CLRN1: variants seen among roughly 807,000 people sequenced by gnomAD.
The protein encoded by CLRN1 is clarin 1, also known as clarin-1.
Under a neutral mutation model 18.7 loss-of-function variants are expected in CLRN1, and 15 were observed. The ratio of observed to expected loss-of-function variants is 0.80; its 90% CI spans 0.54 to 1.23. CLRN1 has a LOEUF of 1.23. Among genes scored for constraint, CLRN1 ranks in the 50% most tolerant of loss-of-function variants. CLRN1 has a pLI of 0.00. For synonymous variants in CLRN1, 104 were observed against 102.9 expected (o/e 1.01, Z -0.07); for missense variants, 311 against 277.5 (o/e 1.12, Z -0.86).
At chr3:150,926,508 C>T (rs534991632), downstream of CLRN1, 10 of 435,838 alleles carry the variant, frequency 2.3e-5, no homozygotes, top group East Asian at 9.8e-5. Context: ...TGTGGCTAGA[C>T]TGAATTGTAG....
chr3:150,926,727 G>A lies in CLRN1; in HGVS notation c.*1209C>T. Reference sequence around the variant, plus strand: ...AGTACTTTCAAACCTATTATATGAGGGCTGCTGAGTACTCAGCACCTGTGG... The same window carrying A: ...AGTACTTTCAAACCTATTATATGAGAGCTGCTGAGTACTCAGCACCTGTGG... On this transcript the variant is annotated 3_prime_UTR_variant, in exon 3 of 3. Coordinates refer to ENST00000327047, the MANE Select transcript of CLRN1 (RefSeq NM_174878.3). The A allele has an allele frequency of 1.4e-6, 2 of 1,455,456 alleles. No homozygotes were observed. Among genetic ancestry groups the A allele is most frequent in the Non-Finnish European group, 1.9e-6 (2 of 1,037,374 alleles). The allele number at this position is 1,455,456 out of a possible 1,614,324, so 90.2% of individuals were successfully genotyped here.
At chr3:150,944,006 A>G in intron 1 of CLRN1, 1 of 1,060,436 alleles carries the variant, frequency 9.4e-7, no homozygotes, top group East Asian at 2.6e-5. Flanking sequence ...ATCAACAACA[A>G]GATAGTTTCA....
At chr3:150,955,276 C>G (rs770764993) in intron 1 of CLRN1, among the ~76,000 whole-genome samples, 8 of 152,086 alleles carry the variant, frequency 5.3e-5, no homozygotes, top group African/African-American at 9.7e-5. Flanking sequence ...ACAGGGAGAA[C>G]CCGGGAGTGA....
chr3:150,931,410 C>G (rs376172445), intron 2 of CLRN1, among the ~76,000 whole-genome samples: 1 of 152,186 alleles, frequency 6.6e-6, no homozygotes, highest in Admixed American at 6.5e-5. Context: ...CTTCCCACAG[C>G]ATGAGGAATC....
At chr3:150,968,310 C>A (rs752167936) in intron 1 of CLRN1, among the ~76,000 whole-genome samples, 1 of 152,124 alleles carries the variant, frequency 6.6e-6, no homozygotes, top group Non-Finnish European at 1.5e-5. Flanking sequence ...GTTTAAACAT[C>A]ATCATTAAAA....
In CLRN1 at chr3:150,943,842, C is replaced by T. The variant is rs780023517; in HGVS notation, c.254-2081G>A. ...TACCTGGTTGCTGCTGCAGGGCCTGCATGGAGTTTACTCCTCACAGCACTA... is the reference window on the plus strand; with the variant it reads ...TACCTGGTTGCTGCTGCAGGGCCTGTATGGAGTTTACTCCTCACAGCACTA... On this transcript the variant is annotated intron_variant, in intron 1 of 2. Transcript: ENST00000327047. The T allele has an allele frequency of 1.2e-6, 2 of 1,614,182 alleles. No homozygotes were observed.
chr3:150,926,968 T>G lies in CLRN1; in HGVS notation c.*968A>C. The G allele has an allele frequency of 1.3e-6, 2 of 1,596,246 alleles. No homozygotes were observed. The highest frequency in any genetic ancestry group is 1.7e-6 in the Non-Finnish European group (2 of 1,166,758). ...GAACAAGACCAAGATGATACAGTGA[T>G]ACCGTCATAATCCCAGATTTAATAT... On this transcript the variant is annotated 3_prime_UTR_variant, in exon 3 of 3. Transcript: ENST00000327047.
chr3:150,961,679 G>C (rs1715044762), intron 1 of CLRN1, among the ~76,000 whole-genome samples: 1 of 152,092 alleles, frequency 6.6e-6, no homozygotes. Flanking sequence ...TTGGCCTCTT[G>C]GTGCTCAGCT....
Position 150,965,800 on chromosome 3 carries a change from C to T in CLRN1, c.253+6656G>A, listed in dbSNP as rs1001285455. On this transcript the variant is annotated intron_variant, in intron 1 of 2. Transcript: ENST00000327047. ...AAGGGAAGGAAGGTATATGGGTGTG[C>T]GTGTGCACATGTGCTTACAAGTAAA... 1.4e-4 allele frequency among the ~76,000 whole-genome samples: 22 copies of T among 151,930 alleles called. 2 individuals carry two copies. Among genetic ancestry groups the T allele is most frequent in the Admixed American group, 1.2e-3 (19 of 15,240 alleles).
intron 1 of CLRN1, among the ~76,000 whole-genome samples, chr3:150,955,724 C>CT (rs1362800093): frequency 6.6e-6 from 1 of 152,066 alleles, no homozygotes; most frequent in Non-Finnish European, 1.5e-5. Context: ...TGACAAAGCT[C>CT]TTTTTTGTTT....
At chr3:150,933,289 G>A (rs1713258857) in intron 2 of CLRN1, among the ~76,000 whole-genome samples, 1 of 152,148 alleles carries the variant, frequency 6.6e-6, no homozygotes, top group South Asian at 2.1e-4. Context: ...AAGGGAGAGA[G>A]AGGCAATAAC....
At chr3:150,948,691 C>T (rs1056661891) in intron 1 of CLRN1, among the ~76,000 whole-genome samples, 9 of 151,964 alleles carry the variant, frequency 5.9e-5, no homozygotes, top group African/African-American at 1.7e-4. Flanking sequence ...AAATCATTAT[C>T]GGTCTATTTA....
chr3:150,939,216 G>A (rs1713660394), intron 2 of CLRN1, among the ~76,000 whole-genome samples: 1 of 152,128 alleles, frequency 6.6e-6, no homozygotes, highest in African/African-American at 2.4e-5. Context: ...AGGGAGAAAG[G>A]CCCACACCTT....
chr3:150,962,525 T>C (rs1180220121), intron 1 of CLRN1, among the ~76,000 whole-genome samples: 2 of 152,214 alleles, frequency 1.3e-5, no homozygotes, highest in Non-Finnish European at 2.9e-5. Context: ...AATACAATAC[T>C]AGTTTTTGAA....
At position 150,943,900 on chromosome 3, in the gene CLRN1, C is replaced by T. The variant is rs1416561568; in HGVS notation, c.254-2139G>A. 1.3e-5 allele frequency: 21 copies of T among 1,613,546 alleles called. No individual in the cohort carries two copies. Among genetic ancestry groups the T allele is most frequent in the Middle Eastern group, 1.6e-4 (1 of 6,078 alleles). On this transcript the variant is annotated intron_variant, in intron 1 of 2. Transcript: ENST00000327047. The stretch of plus-strand genomic sequence containing the variant: ...CAGCTGGTTCCTGCACTCGTTCACT[C>T]GTGTGCTCCCTCCTGCAAGAGGTTG...
chr3:150,935,987 G>C (rs2107940743), intron 2 of CLRN1, among the ~76,000 whole-genome samples: 1 of 151,856 alleles, frequency 6.6e-6, no homozygotes, highest in African/African-American at 2.4e-5. Context: ...CTTTTTGATG[G>C]GGTTGTTTGT....
intron 1 of CLRN1, chr3:150,945,805 T>G: frequency 2.3e-6 from 1 of 439,884 alleles, no homozygotes; most frequent in Non-Finnish European, 3.7e-6. Flanking sequence ...TGGGGACCCT[T>G]GTGCATTTTT....
intron 1 of CLRN1, among the ~76,000 whole-genome samples, chr3:150,947,811 TAATTA>T (rs1322559029): frequency 5.3e-5 from 8 of 152,260 alleles, no homozygotes; most frequent in African/African-American, 1.4e-4. Flanking sequence ...TTTGGATAAA[TAATTA>T]AATTAAGACA....
At chr3:150,947,438 G>T (rs746974371) in intron 1 of CLRN1, among the ~76,000 whole-genome samples, 1 of 152,146 alleles carries the variant, frequency 6.6e-6, no homozygotes, top group South Asian at 2.1e-4. Flanking sequence ...AAGAGACATA[G>T]ACTCCCACAC....
Sources: allele counts gnomAD v4.1 joint callset (sites outside exome capture counted in the v4.1 genomes callset), GRCh38; gene constraint gnomAD v4.1.1; transcripts MANE v1.5; gene names NCBI Gene and HGNC (gene_info 2026-07-23, HGNC 2026-07-21).